Variants in FAM13C observed in about 807,000 individuals in gnomAD.
The protein encoded by FAM13C is protein FAM13C.
FAM13C carries 37 observed loss-of-function variants against 73.2 expected under a neutral mutation model. The ratio of observed to expected loss-of-function variants is 0.51; its 90% CI spans 0.39 to 0.67. The LOEUF (loss-of-function observed/expected upper bound fraction) is 0.67. Ranked by LOEUF, FAM13C falls within the 30% of genes least tolerant of loss-of-function variation. The pLI is 0.00. For synonymous variants in FAM13C, 246 were observed against 260.9 expected (o/e 0.94, Z 0.55); for missense variants, 589 against 715.6 (o/e 0.82, Z 2.02).
intron 3 of FAM13C, among the ~76,000 whole-genome samples, chr10:59,334,495 C>A (rs185872): frequency 0.41 from 61,530 of 151,832 alleles, 12,655 homozygotes; most frequent in East Asian, 0.48. Flanking sequence ...ATAGCAAAGA[C>A]TTGGAACCAA....
At chr10:59,342,170 C>T (rs1853605559) in intron 3 of FAM13C, among the ~76,000 whole-genome samples, 3 of 152,084 alleles carry the variant, frequency 2.0e-5, no homozygotes, top group African/African-American at 4.8e-5. Flanking sequence ...ACTTTGAGGG[C>T]AGATTTTCAA....
At chr10:59,297,530 G>A (rs534168737) in intron 5 of FAM13C, among the ~76,000 whole-genome samples, 2 of 151,988 alleles carry the variant, frequency 1.3e-5, no homozygotes, top group African/African-American at 4.8e-5. Context: ...CTTCCATCTG[G>A]GTTGGTTTCT....
intron 4 of FAM13C, among the ~76,000 whole-genome samples, chr10:59,318,001 A>G (rs1849750466): frequency 6.6e-6 from 1 of 151,464 alleles, no homozygotes; most frequent in Non-Finnish European, 1.5e-5. Flanking sequence ...TTCATACACA[A>G]TTTCTCTTTA....
At chr10:59,280,001 C>T (rs1844756232) in intron 6 of FAM13C, among the ~76,000 whole-genome samples, 1 of 152,164 alleles carries the variant, frequency 6.6e-6, no homozygotes, top group Admixed American at 6.5e-5. Flanking sequence ...AGCTAGCTTT[C>T]TGTACTCTTA....
At chr10:59,315,452 TTTG>T (rs1849418158) in intron 4 of FAM13C, among the ~76,000 whole-genome samples, 1 of 152,142 alleles carries the variant, frequency 6.6e-6, no homozygotes, top group Non-Finnish European at 1.5e-5. Flanking sequence ...TGGGGTTTTT[TTTG>T]TTTTTGTGTT....
At chr10:59,323,139 T>A (rs553350790) in intron 4 of FAM13C, 1 of 152,348 alleles carries the variant, frequency 6.6e-6, no homozygotes, top group East Asian at 1.9e-4. Flanking sequence ...AAGGTCAGGC[T>A]CAGAAGCACA....
At chr10:59,339,851 A>G (rs1457016513) in intron 3 of FAM13C, among the ~76,000 whole-genome samples, 3 of 152,166 alleles carry the variant, frequency 2.0e-5, no homozygotes, top group Non-Finnish European at 4.4e-5. Flanking sequence ...AAAAAAGATG[A>G]CTGATTAAAA....
chr10:59,301,750 A>T (rs541145430), intron 5 of FAM13C, among the ~76,000 whole-genome samples: 1 of 152,154 alleles, frequency 6.6e-6, no homozygotes, highest in Non-Finnish European at 1.5e-5. Flanking sequence ...CACTACTATG[A>T]GGAAGATTGT....
At chr10:59,289,897 G>A (rs1432881054) in intron 5 of FAM13C, among the ~76,000 whole-genome samples, 2 of 152,018 alleles carry the variant, frequency 1.3e-5, no homozygotes, top group Non-Finnish European at 2.9e-5. Flanking sequence ...GTCACTCAGG[G>A]CCAGACTGCT....
intron 11 of FAM13C, 94 bp from the exon 12 acceptor site, chr10:59,253,092 A>G: frequency 7.8e-7 from 1 of 1,285,726 alleles, no homozygotes; most frequent in Non-Finnish European, 1.1e-6. Flanking sequence ...AATCAATGCC[A>G]TGAAAACCAG....
At chr10:59,313,972 T>C (rs1849237975) in intron 4 of FAM13C, among the ~76,000 whole-genome samples, 1 of 152,054 alleles carries the variant, frequency 6.6e-6, no homozygotes, top group African/African-American at 2.4e-5. Flanking sequence ...TCAAAAGAAT[T>C]ACAGAAAATA....
intron 13 of FAM13C, among the ~76,000 whole-genome samples, chr10:59,250,502 A>G (rs1284523957): frequency 2.6e-5 from 4 of 152,206 alleles, no homozygotes; most frequent in African/African-American, 4.8e-5. Context: ...TTTTCACTCA[A>G]TAGGTCCAGT....
intron 3 of FAM13C, among the ~76,000 whole-genome samples, chr10:59,349,980 A>C (rs1193941848): frequency 1.3e-5 from 2 of 152,238 alleles, no homozygotes; most frequent in Non-Finnish European, 2.9e-5. Context: ...TGATCCCCAG[A>C]GTTCAGAAAC....
At chr10:59,265,990 A>C (rs918825519) in intron 8 of FAM13C, among the ~76,000 whole-genome samples, 4 of 152,216 alleles carry the variant, frequency 2.6e-5, no homozygotes, top group African/African-American at 9.6e-5. Context: ...TTGACCTCCT[A>C]AGTGCCATTG....
rs779759279 is a variant in FAM13C at position 59,352,333 on chromosome 10, G to C, written c.261C>G (p.Phe87Leu). ...DSVLRPSMGN[F>L]KSRKPKSIFK... ...AGATGGACTTGGGCTTCCTGGACTT[G>C]AAGTTGCCCATGCTGGGTCGCAATA... The change falls in exon 3 of 14, where the codon TTC becomes TTG. Residue 87 changes from phenylalanine (F) to leucine (L), a missense_variant. By Grantham distance (22) the Phe-to-Leu change is conservative. Coordinates refer to ENST00000618804, the MANE Select transcript of FAM13C (RefSeq NM_198215.4). The C allele has an allele frequency of 6.2e-6, 10 of 1,613,838 alleles. No individual in the cohort carries two copies. The Middle Eastern group carries it at 1.5e-3, about 240-fold the overall frequency.
In FAM13C at chr10:59,246,981, G is replaced by T. The variant is rs1025377978; in HGVS notation, c.*633C>A. 1 of 206,010 alleles carries T rather than the reference G, an allele frequency of 4.9e-6. No homozygotes were observed. Among genetic ancestry groups the T allele is most frequent in the African/African-American group, 2.3e-5 (1 of 43,578 alleles). 12.8% of individuals were successfully genotyped at this position (206,010 alleles called of 1,614,324 possible). A position where few individuals can be genotyped will look rare whatever the true frequency, so the allele number is the denominator to read the frequency against. On this transcript the variant is annotated 3_prime_UTR_variant, in exon 14 of 14. Coordinates refer to ENST00000618804, the MANE Select transcript of FAM13C (RefSeq NM_198215.4). Reference sequence around the variant, plus strand: ...GTACATGCTATCAGAATGAACTTTGGTAACCAGAAATGTAAAATTTCAAAT... The same window carrying T: ...GTACATGCTATCAGAATGAACTTTGTTAACCAGAAATGTAAAATTTCAAAT...
intron 3 of FAM13C, among the ~76,000 whole-genome samples, chr10:59,333,567 C>T (rs912043069): frequency 2.6e-5 from 4 of 152,098 alleles, no homozygotes; most frequent in Admixed American, 6.6e-5. Context: ...AAAAGCCCAC[C>T]TTTTATTCCT....
intron 4 of FAM13C, among the ~76,000 whole-genome samples, chr10:59,308,529 C>G (rs1205959936): frequency 6.6e-6 from 1 of 151,384 alleles, no homozygotes; most frequent in Non-Finnish European, 1.5e-5. Context: ...AGCATCACCC[C>G]CATCATCACC....
intron 12 of FAM13C, 46 bp from the exon 13 acceptor site, chr10:59,251,722 G>A: frequency 7.2e-7 from 1 of 1,393,038 alleles, no homozygotes; most frequent in Non-Finnish European, 9.9e-7. Context: ...TGGCATAATT[G>A]AGAGATCATC....
Sources: gnomAD v4.1 joint callset for allele counts (sites outside exome capture counted in the v4.1 genomes callset) on GRCh38, gnomAD v4.1.1 for gene constraint, MANE v1.5 for transcripts, NCBI Gene and HGNC (gene_info 2026-07-23, HGNC 2026-07-21) for gene names.